The following CACHD1 variants were observed in gnomAD, a reference collection of about 807,000 sequenced individuals.
CACHD1 encodes cache domain containing 1, also known as VWFA and cache domain-containing protein 1.
CACHD1 carries 71 observed loss-of-function variants against 138.7 expected under a neutral mutation model. That is an observed-to-expected ratio of 0.51 (90% CI 0.42 to 0.62). The LOEUF is 0.62. Among genes scored for constraint, CACHD1 ranks in the 20% least tolerant of loss-of-function variants. CACHD1 has a pLI of 0.00. For synonymous variants in CACHD1, 578 were observed against 591.5 expected (o/e 0.98, Z 0.33); for missense variants, 1,389 against 1,625.3 (o/e 0.85, Z 2.50).
chr1:64,560,695 G>A (rs1436761), intron 2 of CACHD1, among the ~76,000 whole-genome samples: 123,630 of 151,972 alleles, frequency 0.81, 52,306 homozygotes, highest in South Asian at 0.94. Context: ...TGTTCTTTAT[G>A]TATTAAGGTG....
intron 2 of CACHD1, among the ~76,000 whole-genome samples, chr1:64,576,910 T>TG (rs55724211): frequency 0.027 from 4,029 of 151,694 alleles, 74 homozygotes; most frequent in Non-Finnish European, 0.041. Context: ...TTTGTTTGTT[T>TG]TTTTTTTTTA....
chr1:64,575,916 A>G (rs1027493996), intron 2 of CACHD1, among the ~76,000 whole-genome samples: 1 of 152,250 alleles, frequency 6.6e-6, no homozygotes. Context: ...TGCAAATGAC[A>G]GAAATGTCTA....
intron 4 of CACHD1, among the ~76,000 whole-genome samples, chr1:64,618,201 G>A (rs1371983218): frequency 3.3e-5 from 5 of 151,782 alleles, no homozygotes; most frequent in East Asian, 1.9e-4. Flanking sequence ...AAAACAAATA[G>A]CAATAACAAT....
intron 4 of CACHD1, among the ~76,000 whole-genome samples, chr1:64,607,011 G>A (rs548769472): frequency 6.6e-6 from 1 of 152,310 alleles, no homozygotes; most frequent in South Asian, 2.1e-4. Flanking sequence ...AAGTAGAAGG[G>A]CCTCATAAGC....
chr1:64,685,165 T>C (rs1215579864), intron 26 of CACHD1, among the ~76,000 whole-genome samples: 7 of 152,186 alleles, frequency 4.6e-5, no homozygotes, highest in Non-Finnish European at 1.0e-4. Context: ...ACCTCTTCTA[T>C]GTTTAGATAT....
At chr1:64,659,009 T>C (rs1649354318) in intron 13 of CACHD1, 136 bp downstream of exon 13, 1 of 723,224 alleles carries the variant, frequency 1.4e-6, no homozygotes, top group South Asian at 2.7e-5. Context: ...GATACAAATA[T>C]GAAAACGATT....
chr1:64,639,241 A>ATG (rs1229763193), intron 7 of CACHD1, among the ~76,000 whole-genome samples: 8 of 152,186 alleles, frequency 5.3e-5, no homozygotes, highest in Non-Finnish European at 1.2e-4. Context: ...TGCTGTATCT[A>ATG]TGTATATATG....
At chr1:64,552,274 G>C (rs1646764835) in intron 2 of CACHD1, among the ~76,000 whole-genome samples, 1 of 151,848 alleles carries the variant, frequency 6.6e-6, no homozygotes. Flanking sequence ...GGAACATCAG[G>C]GCTAGGCAAC....
intron 4 of CACHD1, among the ~76,000 whole-genome samples, chr1:64,603,931 T>C (rs1203213932): frequency 6.6e-6 from 1 of 152,146 alleles, no homozygotes; most frequent in Non-Finnish European, 1.5e-5. Flanking sequence ...TCCTCAGATT[T>C]TACCAAGAAA....
At chr1:64,474,659 G>A (rs1225558135) in intron 1 of CACHD1, among the ~76,000 whole-genome samples, 4 of 152,252 alleles carry the variant, frequency 2.6e-5, no homozygotes, top group Non-Finnish European at 5.9e-5. Flanking sequence ...CATTCTCGAG[G>A]AGGAGATAAG....
At chr1:64,670,993 T>C (rs1378438344) in intron 16 of CACHD1, among the ~76,000 whole-genome samples, 1 of 152,194 alleles carries the variant, frequency 6.6e-6, no homozygotes, top group Admixed American at 6.5e-5. Flanking sequence ...GAGAAAGCAC[T>C]GGCCTATGGA....
chr1:64,579,685 A>C (rs1646996686), intron 2 of CACHD1, among the ~76,000 whole-genome samples: 2 of 152,144 alleles, frequency 1.3e-5, no homozygotes, highest in African/African-American at 2.4e-5. Context: ...ATGTTTTAAA[A>C]GAGTTGATTA....
chr1:64,658,783 A>G lies in CACHD1; in HGVS notation c.1861A>G (p.Thr621Ala). The stretch of plus-strand genomic sequence containing the variant: ...TGTGAAACAACTGAAGAACCTCAAC[A>G]CTGTTCCCAGCAGCAAGCTGCTGTA... ...IPVKQLKNLN[T>A]VPSSKLLYHR... The change falls in exon 13 of 27, where the codon ACT becomes GCT. Residue 621 changes from threonine to alanine, a missense_variant. This residue lies in a region of CACHD1 where 1,000 missense variants were observed against 1,114.7 expected (regional missense o/e 0.90). Coordinates refer to ENST00000651257, the MANE Select transcript of CACHD1 (RefSeq NM_020925.4). The G allele has an allele frequency of 6.2e-7, 1 of 1,608,272 alleles. No individual in the cohort carries two copies. Among genetic ancestry groups the G allele is most frequent in the Non-Finnish European group, 8.5e-7 (1 of 1,176,630 alleles).
At chr1:64,481,994 A>G (rs904632588) in intron 1 of CACHD1, among the ~76,000 whole-genome samples, 11 of 152,192 alleles carry the variant, frequency 7.2e-5, no homozygotes, top group African/African-American at 2.7e-4. Flanking sequence ...ACTGTGCTGT[A>G]TATTACCATT....
At chr1:64,542,985 A>G (rs1200613591) in intron 1 of CACHD1, among the ~76,000 whole-genome samples, 1 of 146,224 alleles carries the variant, frequency 6.8e-6, no homozygotes, top group Non-Finnish European at 1.5e-5. Context: ...CCACACACAC[A>G]TCAACACACA....
At chr1:64,547,819 G>GT (rs1646728998) in intron 1 of CACHD1, among the ~76,000 whole-genome samples, 1 of 139,962 alleles carries the variant, frequency 7.1e-6, no homozygotes, top group Non-Finnish European at 1.5e-5. Flanking sequence ...AGGAGAAGGG[G>GT]TAAAAAAAAT....
At chr1:64,651,057 C>T (rs1036821823) in intron 9 of CACHD1, among the ~76,000 whole-genome samples, 2 of 152,132 alleles carry the variant, frequency 1.3e-5, no homozygotes, top group South Asian at 2.1e-4. Context: ...ACATTTTCCT[C>T]CTGTGTGCTT....
intron 4 of CACHD1, among the ~76,000 whole-genome samples, chr1:64,608,826 A>G (rs1333161651): frequency 2.0e-5 from 3 of 151,476 alleles, no homozygotes; most frequent in African/African-American, 7.3e-5. Flanking sequence ...CCCTAAAGAG[A>G]GTTTATTTGA....
At chr1:64,557,121 GAAA>G (rs11333415) in intron 2 of CACHD1, among the ~76,000 whole-genome samples, 1 of 140,778 alleles carries the variant, frequency 7.1e-6, no homozygotes, top group Non-Finnish European at 1.5e-5. Context: ...ACTCCATCTC[GAAA>G]AAAAAAAAAA....
Sources: allele counts gnomAD v4.1 joint callset (sites outside exome capture counted in the v4.1 genomes callset), GRCh38; gene constraint gnomAD v4.1.1; regional missense constraint gnomAD v4.1.1; transcripts MANE v1.5; gene names NCBI Gene and HGNC (gene_info 2026-07-23, HGNC 2026-07-21).